The following MB21D2 variants were observed in gnomAD, a reference collection of about 807,000 sequenced individuals.
The protein encoded by MB21D2 is Mab-21 domain containing 2, also known as nucleotidyltransferase MB21D2.
Under a neutral mutation model 33.3 loss-of-function variants are expected in MB21D2, and 9 were observed. The ratio of observed to expected loss-of-function variants is 0.27; its 90% CI spans 0.16 to 0.47. The LOEUF is 0.47. Among genes scored for constraint, MB21D2 ranks in the 20% least tolerant of loss-of-function variants. The pLI is 0.99. For missense variants in MB21D2, 540 were observed against 624.6 expected, an observed-to-expected ratio of 0.86 and a Z score of 1.44; for synonymous variants, 241 against 236.3, an observed-to-expected ratio of 1.02 and a Z score of -0.18.
intron 1 of MB21D2, among the ~76,000 whole-genome samples, chr3:192,810,009 C>T (rs554443704): frequency 1.3e-5 from 2 of 152,312 alleles, no homozygotes; most frequent in South Asian, 4.1e-4. Context: ...GTCATATCCC[C>T]TAAGTTTATA....
intron 1 of MB21D2, among the ~76,000 whole-genome samples, chr3:192,857,523 C>G (rs1318257992): frequency 2.6e-5 from 4 of 152,166 alleles, no homozygotes; most frequent in Non-Finnish European, 5.9e-5. Context: ...AAAGAGAAAC[C>G]ATTCTTCTAT....
At chr3:192,883,309 G>C (rs1370857526) in intron 1 of MB21D2, among the ~76,000 whole-genome samples, 1 of 151,998 alleles carries the variant, frequency 6.6e-6, no homozygotes, top group African/African-American at 2.4e-5. Flanking sequence ...TCTTTGCCAT[G>C]TACTCATTTT....
At chr3:192,835,739 T>C (rs1712423107) in intron 1 of MB21D2, among the ~76,000 whole-genome samples, 1 of 151,688 alleles carries the variant, frequency 6.6e-6, no homozygotes, top group African/African-American at 2.4e-5. Flanking sequence ...TTTGCTTAAA[T>C]ATAACAAAAC....
At chr3:192,864,422 G>A (rs1392835304) in intron 1 of MB21D2, among the ~76,000 whole-genome samples, 1 of 152,124 alleles carries the variant, frequency 6.6e-6, no homozygotes, top group Non-Finnish European at 1.5e-5. Flanking sequence ...TGCTGTCCAG[G>A]CTGCTCTTGA....
chr3:192,845,197 G>A (rs73890341), intron 1 of MB21D2, among the ~76,000 whole-genome samples: 10,734 of 152,260 alleles, frequency 0.07, 1,262 homozygotes, highest in African/African-American at 0.24. Context: ...ACTGGCACAT[G>A]TTCCTCAAAT....
Position 192,798,745 on chromosome 3 carries a change from T to C in MB21D2, c.1117A>G (p.Met373Val). 1 of 1,613,442 alleles carries C rather than the reference T, an allele frequency of 6.2e-7. No individual in the cohort carries two copies. The highest frequency in any genetic ancestry group is 8.5e-7 in the Non-Finnish European group (1 of 1,180,034). Residue 373 changes from methionine to valine, a missense_variant, in exon 2 of 2, where the codon ATG becomes GTG. Physicochemically the swap from Met to Val is conservative, Grantham distance 21. Transcript: ENST00000392452. The surrounding 1 kb of genome is among the most constrained non-coding windows in gnomAD (Gnocchi z 4.8). ...TGAGGGATGAAATAATTGGGGCACA[T>C]CTTGTTGACCAGACAGTGTTGCAGG... is the stretch of plus-strand genomic sequence containing the variant. ...DDLQHCLVNK[M>V]CPNYFIPQCN...
At chr3:192,866,312 G>T (rs1713166582) in intron 1 of MB21D2, among the ~76,000 whole-genome samples, 1 of 152,000 alleles carries the variant, frequency 6.6e-6, no homozygotes, top group South Asian at 2.1e-4. Context: ...CTTCCTGAAA[G>T]AACTAAAAAC....
chr3:192,850,734 C>G, intron 1 of MB21D2, among the ~76,000 whole-genome samples: 1 of 152,220 alleles, frequency 6.6e-6, no homozygotes, highest in East Asian at 1.9e-4. Context: ...TGCCTCAAAT[C>G]CACTGCGCAC....
At chr3:192,878,642 G>A (rs1050784424) in intron 1 of MB21D2, among the ~76,000 whole-genome samples, 4 of 152,096 alleles carry the variant, frequency 2.6e-5, no homozygotes, top group South Asian at 2.1e-4. Context: ...TTCGGTCCTC[G>A]GCAACATGCT....
chr3:192,910,613 G>A (rs1431864990), intron 1 of MB21D2, among the ~76,000 whole-genome samples: 1 of 152,214 alleles, frequency 6.6e-6, no homozygotes, highest in East Asian at 1.9e-4. Context: ...TCTTTAAAAT[G>A]TAGAGGACAG....
intron 1 of MB21D2, among the ~76,000 whole-genome samples, chr3:192,852,764 T>C (rs939728686): frequency 4.6e-5 from 7 of 152,122 alleles, no homozygotes; most frequent in Non-Finnish European, 8.8e-5. Context: ...TCCTCCAATT[T>C]TGCCCTAGAA....
At chr3:192,847,774 T>G (rs549928745) in intron 1 of MB21D2, among the ~76,000 whole-genome samples, 1 of 152,262 alleles carries the variant, frequency 6.6e-6, no homozygotes, top group Non-Finnish European at 1.5e-5. Context: ...CACTCTTCCC[T>G]GGGGAACTAG....
intron 1 of MB21D2, among the ~76,000 whole-genome samples, chr3:192,835,111 T>G (rs1224007519): frequency 6.8e-6 from 1 of 147,608 alleles, no homozygotes; most frequent in East Asian, 2.1e-4. Flanking sequence ...CCTGGCCGAT[T>G]GTTCACATTT....
At chr3:192,821,630 C>T (rs780936488) in intron 1 of MB21D2, among the ~76,000 whole-genome samples, 1 of 152,176 alleles carries the variant, frequency 6.6e-6, no homozygotes, top group East Asian at 1.9e-4. Flanking sequence ...CTGGAAATTG[C>T]TTTCTGGAAG....
chr3:192,915,699 G>T (rs1201900651), intron 1 of MB21D2, among the ~76,000 whole-genome samples: 2 of 152,162 alleles, frequency 1.3e-5, no homozygotes, highest in African/African-American at 2.4e-5. Context: ...AAGCACCCTA[G>T]AATAATTTAC....
Position 192,814,818 on chromosome 3 carries a change from T to C in MB21D2, c.212-15168A>G, listed in dbSNP as rs145573800. Among the ~76,000 whole-genome samples, 103 of 151,712 alleles carry C rather than the reference T, an allele frequency of 6.8e-4. 1 individual carries two copies. In the East Asian group the frequency reaches 0.018, roughly 26 times the overall value. The stretch of plus-strand genomic sequence containing the variant: ...AGGTGGAGCTTGCAGTGAGCTGAGA[T>C]TGTGCCACTGCATTCCAGCCTGGGC... On this transcript the variant is annotated intron_variant, in intron 1 of 1. Coordinates refer to ENST00000392452, the MANE Select transcript of MB21D2 (RefSeq NM_178496.4).
chr3:192,909,988 A>G (rs1234033855), intron 1 of MB21D2, among the ~76,000 whole-genome samples: 1 of 148,658 alleles, frequency 6.7e-6, no homozygotes, highest in Non-Finnish European at 1.5e-5. Context: ...GAGAGAAAAG[A>G]GCCTAAGAGC....
At position 192,798,545 on chromosome 3, in the gene MB21D2, A is replaced by G; in HGVS notation, c.1317T>C (p.Ser439=). 1 of 1,614,084 alleles carries G rather than the reference A, an allele frequency of 6.2e-7. No homozygotes were observed. The highest frequency in any genetic ancestry group is 8.5e-7 in the Non-Finnish European group (1 of 1,180,008). ...TGGGGTCCCCTCCGTCAGACTGTGG[A>G]GAGGGGATGCTGGTGGTGCTACCTC... ...QRRGSTTSIP[S]PQSDGGDPNQ... The change falls in exon 2 of 2, where the codon TCT becomes TCC. Residue 439 remains serine (S), a synonymous_variant. Transcript: ENST00000392452. This position sits in a 1 kb window ranked among gnomAD's most constrained non-coding sequence, Gnocchi z 4.8.
At chr3:192,869,924 T>A (rs1234534724) in intron 1 of MB21D2, among the ~76,000 whole-genome samples, 1 of 152,146 alleles carries the variant, frequency 6.6e-6, no homozygotes, top group Admixed American at 6.5e-5. Context: ...TAAATTATAT[T>A]ACAGCCATGC....
Sources: allele counts gnomAD v4.1 joint callset (sites outside exome capture counted in the v4.1 genomes callset), GRCh38; gene constraint gnomAD v4.1.1; non-coding constraint Gnocchi (gnomAD v3.1); transcripts MANE v1.5; gene names NCBI Gene and HGNC (gene_info 2026-07-23, HGNC 2026-07-21).